The following UACA variants were observed in gnomAD, a reference collection of about 807,000 sequenced individuals.
UACA encodes uveal autoantigen with coiled-coil domains and ankyrin repeats, also known as nuclear membrane binding protein.
UACA carries 112 observed loss-of-function variants against 160.5 expected under a neutral mutation model. The ratio of observed to expected loss-of-function variants is 0.70; its 90% confidence interval spans 0.60 to 0.82. The LOEUF (loss-of-function observed/expected upper bound fraction) is 0.82, where lower values mean the gene tolerates loss of function less well. Ranked by LOEUF, UACA falls within the 40% of genes least tolerant of loss-of-function variation. The pLI is 0.00. For missense variants in UACA, 1,574 were observed against 1,614.6 expected (o/e 0.97, Z 0.43); for synonymous variants, 557 against 568.4 (o/e 0.98, Z 0.29).
intron 12 of UACA, 60 bp downstream of exon 12, chr15:70,677,048 A>G: frequency 7.6e-7 from 1 of 1,321,642 alleles, no homozygotes; most frequent in Non-Finnish European, 1.1e-6. Flanking sequence ...AACCTTTACT[A>G]CTATATCATC....
In UACA at chr15:70,667,850, C is replaced by T; in HGVS notation, c.2834G>A (p.Ser945Asn). Residue 945 changes from serine to asparagine, a missense_variant, in exon 16 of 19, where the codon AGT becomes AAT. Ser to Asn is a conservative substitution (Grantham distance 46). Coordinates refer to ENST00000322954, the MANE Select transcript of UACA (RefSeq NM_018003.4). ...LSQSMRKVQD[S>N]NAEILANYRK... The stretch of plus-strand genomic sequence containing the variant: ...GTAGTTGGCCAAGATTTCAGCATTA[C>T]TATCCTGCACCTTTCTCATGCTCTG... 2 of 1,614,042 alleles carry T rather than the reference C, an allele frequency of 1.2e-6. No individual in the cohort carries two copies. The highest frequency in any genetic ancestry group is 4.5e-5 in the East Asian group (2 of 44,882).
At chr15:70,753,434 A>G (rs545237619) in intron 1 of UACA, among the ~76,000 whole-genome samples, 1 of 152,150 alleles carries the variant, frequency 6.6e-6, no homozygotes, top group South Asian at 2.1e-4. Flanking sequence ...CCCTTCTCCA[A>G]TTTTTTTGTA....
Position 70,749,698 on chromosome 15 carries a change from C to CAAAAAAAAAAAAAA in UACA, c.78+13618_78+13631dup, listed in dbSNP as rs11292883. Among the ~76,000 whole-genome samples the CAAAAAAAAAAAAAA allele has an allele frequency of 1.1e-3, 77 of 70,044 alleles. 2 individuals carry two copies. The highest frequency in any genetic ancestry group is 4.0e-3 in the African/African-American group (76 of 19,086). 46.0% of individuals were successfully genotyped at this position (70,044 alleles called of 152,430 possible). On this transcript the variant is annotated intron_variant, in intron 1 of 18. Transcript: ENST00000322954. ...TGGGCGACAGAGGAAGACTCCGTCT[C>CAAAAAAAAAAAAAA]AAAAAAAAAAAAAAAAAAAAAAAGT...
At position 70,682,795 on chromosome 15, in the gene UACA, C is replaced by T; in HGVS notation, c.785G>A (p.Gly262Glu). 6.4e-7 allele frequency: 1 copy of T among 1,557,934 alleles called. No homozygotes were observed. The highest frequency in any genetic ancestry group is 8.7e-7 in the Non-Finnish European group (1 of 1,154,566). Residue 262 changes from glycine (G) to glutamate (E), a missense_variant and splice_region_variant, in exon 9 of 19, where the codon GGG becomes GAG. Coordinates refer to ENST00000322954, the MANE Select transcript of UACA (RefSeq NM_018003.4). ...LKTASENTNK[G>E]RELWKKGPSL... Reference sequence around the variant, plus strand: ...TGGCCCTTTCTTCCAAAGTTCTCTCCCTAAGATTTAGAGAAAAAGAGAAAC... The same window carrying T: ...TGGCCCTTTCTTCCAAAGTTCTCTCTCTAAGATTTAGAGAAAAAGAGAAAC...
At chr15:70,737,794 G>A (rs1423829658) in intron 1 of UACA, among the ~76,000 whole-genome samples, 1 of 152,124 alleles carries the variant, frequency 6.6e-6, no homozygotes, top group East Asian at 1.9e-4. Context: ...CTATATATTA[G>A]ACATTTGGAT....
At chr15:70,687,278 T>A (rs1897759122) in intron 7 of UACA, among the ~76,000 whole-genome samples, 1 of 152,224 alleles carries the variant, frequency 6.6e-6, no homozygotes, top group Admixed American at 6.5e-5. Flanking sequence ...CTCCTTCAGT[T>A]CTTTGATCCA....
intron 5 of UACA, among the ~76,000 whole-genome samples, chr15:70,689,991 T>C (rs1310720529): frequency 6.6e-6 from 1 of 152,170 alleles, no homozygotes; most frequent in Non-Finnish European, 1.5e-5. Flanking sequence ...TACTTATTAA[T>C]ACTACTTATT....
chr15:70,669,204 G>T lies in UACA; in HGVS notation c.1480C>A (p.Gln494Lys), dbSNP rs1897051248. The change falls in exon 16 of 19, where the codon CAA becomes AAA. Residue 494 changes from glutamine (Q) to lysine (K), a missense_variant. Coordinates refer to ENST00000322954, the MANE Select transcript of UACA (RefSeq NM_018003.4). ...ACATCTTTTAATGCATCTTCTAATT[G>T]CTTTATCTGTTCATCTGAATCCTCC... The part of the protein sequence containing the change: ...VKEDSDEQIK[Q>K]LEDALKDVQK... 6.2e-7 allele frequency: 1 copy of T among 1,613,874 alleles called. No individual in the cohort carries two copies.
intron 7 of UACA, among the ~76,000 whole-genome samples, chr15:70,684,822 A>G (rs550975716): frequency 6.6e-6 from 1 of 152,314 alleles, no homozygotes; most frequent in East Asian, 1.9e-4. Context: ...TTTACTTTAT[A>G]TTCATTGCAT....
intron 14 of UACA, 158 bp downstream of exon 14, chr15:70,671,807 T>C: frequency 1.1e-5 from 5 of 438,652 alleles, no homozygotes; most frequent in Non-Finnish European, 2.0e-5. Flanking sequence ...GAAGTTACAA[T>C]AGTCATCTTA....
chr15:70,759,509 G>C (rs567104099), intron 1 of UACA, among the ~76,000 whole-genome samples: 1 of 152,160 alleles, frequency 6.6e-6, no homozygotes, highest in Admixed American at 6.5e-5. Flanking sequence ...TACAAAATGA[G>C]CCGGGCATGG....
Position 70,656,751 on chromosome 15 carries a change from A to G in UACA, c.*305T>C, listed in dbSNP as rs553102743. On this transcript the variant is annotated 3_prime_UTR_variant, in exon 19 of 19. Transcript: ENST00000322954. ...TTATTTCAGCCTAACCTCGCTTCAT[A>G]TGGACTCACTCAGATGGCTCATGTT... The G allele has an allele frequency of 8.8e-5, 21 of 238,994 alleles. No homozygotes were observed. Among genetic ancestry groups the G allele is most frequent in the African/African-American group, 2.0e-4 (9 of 44,326 alleles). 14.8% of individuals were successfully genotyped at this position (238,994 alleles called of 1,614,324 possible). A position where few individuals can be genotyped will look rare whatever the true frequency, so the allele number is the denominator to read the frequency against.
intron 1 of UACA, among the ~76,000 whole-genome samples, chr15:70,717,289 T>C (rs552165966): frequency 6.6e-6 from 1 of 152,318 alleles, no homozygotes; most frequent in East Asian, 1.9e-4. Context: ...CACACTTGAA[T>C]GGAAACACTA....
intron 4 of UACA, 29 bp downstream of exon 4, chr15:70,691,269 TA>T: frequency 1.3e-6 from 2 of 1,492,672 alleles, no homozygotes; most frequent in Non-Finnish European, 1.8e-6. Flanking sequence ...GTCAAAATAA[TA>T]AAGCTAAAGT....
intron 1 of UACA, among the ~76,000 whole-genome samples, chr15:70,745,246 A>T (rs1414343046): frequency 6.6e-6 from 1 of 152,010 alleles, no homozygotes; most frequent in Non-Finnish European, 1.5e-5. Flanking sequence ...CCTAGCTAAC[A>T]TGGTGAAACC....
chr15:70,694,926 A>G (rs1376685984), intron 3 of UACA, 91 bp downstream of exon 3: 2 of 1,020,458 alleles, frequency 2.0e-6, no homozygotes, highest in African/African-American at 1.6e-5. Flanking sequence ...ATCTCTCTTT[A>G]TATCACATTT....
chr15:70,769,835 A>C, the UACA span, among the ~76,000 whole-genome samples: 1 of 152,082 alleles, frequency 6.6e-6, no homozygotes, highest in African/African-American at 2.4e-5. Context: ...CATCTCTACT[A>C]AAAATACAAA....
At chr15:70,766,519 T>C (rs933513262), upstream of UACA, among the ~76,000 whole-genome samples, 29 of 152,182 alleles carry the variant, frequency 1.9e-4, no homozygotes, top group African/African-American at 7.0e-4. Flanking sequence ...ATTACTTTAC[T>C]AGATTATATA....
intron 1 of UACA, among the ~76,000 whole-genome samples, chr15:70,720,318 T>C (rs1898951924): frequency 6.6e-6 from 1 of 152,204 alleles, no homozygotes; most frequent in Non-Finnish European, 1.5e-5. Flanking sequence ...AATGTGTGAA[T>C]GGACTAATAC....
Sources: gnomAD v4.1 joint callset for allele counts (sites outside exome capture counted in the v4.1 genomes callset) on GRCh38, gnomAD v4.1.1 for gene constraint, MANE v1.5 for transcripts, NCBI Gene and HGNC (gene_info 2026-07-23, HGNC 2026-07-21) for gene names.